Variants in CDK19 observed in about 807,000 individuals in gnomAD.
The protein encoded by CDK19 is cyclin-dependent kinase 19.
Under a neutral mutation model 68.3 loss-of-function variants are expected in CDK19, and 20 were observed. The observed-to-expected ratio is 0.29, with a 90% CI of 0.21 to 0.43. CDK19 has a LOEUF of 0.43. Ranked by LOEUF, CDK19 falls within the 20% of genes least tolerant of loss-of-function variation. The pLI is 1.00. For synonymous variants in CDK19, 221 were observed against 222.8 expected, an observed-to-expected ratio of 0.99 and a Z score of 0.07; for missense variants, 339 against 623.5, an observed-to-expected ratio of 0.54 and a Z score of 4.86.
intron 5 of CDK19, among the ~76,000 whole-genome samples, chr6:110,634,022 A>G (rs1779602685): frequency 6.6e-6 from 1 of 152,244 alleles, no homozygotes; most frequent in Admixed American, 6.5e-5. Context: ...TACATAATAT[A>G]CATAACAAAT....
chr6:110,750,133 G>C (rs185312312), intron 1 of CDK19, among the ~76,000 whole-genome samples: 1 of 145,510 alleles, frequency 6.9e-6, no homozygotes, highest in Admixed American at 6.7e-5. Flanking sequence ...GGAAACCTAA[G>C]ATTTTATCCT....
chr6:110,707,948 G>A (rs1774647330), intron 2 of CDK19, among the ~76,000 whole-genome samples: 1 of 152,108 alleles, frequency 6.6e-6, no homozygotes, highest in Non-Finnish European at 1.5e-5. Context: ...CTCCAGCCTG[G>A]GCGACACGGT....
At position 110,757,861 on chromosome 6, in the gene CDK19, T is replaced by C. The variant is rs190698736; in HGVS notation, c.129-11660A>G. 1.1e-4 allele frequency among the ~76,000 whole-genome samples: 16 copies of C among 152,128 alleles called. No individual in the cohort carries two copies. In the East Asian group the frequency reaches 3.1e-3, roughly 29 times the overall value. Reference sequence around the variant, plus strand: ...TACAGAACTTTTCTTAATAACAAAATTGAAGAGAGAAATAACGAATAAGCA... The same window carrying C: ...TACAGAACTTTTCTTAATAACAAAACTGAAGAGAGAAATAACGAATAAGCA... On this transcript the variant is annotated intron_variant, in intron 1 of 12. Transcript: ENST00000368911.
chr6:110,614,668 TAGG>T lies in CDK19; in HGVS notation c.1378-5_1378-3del. ...GTAATTCAGGCGAGAACTGGAGTGC[TAGG>T]AGAAGGAAACAGGAAAAGGGAATTA... On this transcript the variant is annotated splice_region_variant and splice_polypyrimidine_tract_variant and intron_variant, in intron 12 of 12. Transcript: ENST00000368911. 6.2e-7 allele frequency: 1 copy of T among 1,613,788 alleles called. No individual in the cohort carries two copies. Among genetic ancestry groups the T allele is most frequent in the Middle Eastern group, 1.6e-4 (1 of 6,062 alleles).
intron 1 of CDK19, among the ~76,000 whole-genome samples, chr6:110,802,462 T>C (rs1377185215): frequency 6.6e-6 from 1 of 152,068 alleles, no homozygotes; most frequent in Non-Finnish European, 1.5e-5. Context: ...CACTTATAAG[T>C]GGGAGCTAAA....
chr6:110,680,624 C>T (rs1771929274), intron 2 of CDK19, among the ~76,000 whole-genome samples: 2 of 152,170 alleles, frequency 1.3e-5, no homozygotes, highest in Admixed American at 1.3e-4. Context: ...TGGTAAATAG[C>T]CACATATTGT....
chr6:110,707,451 A>G lies in CDK19; in HGVS notation c.205-36910T>C, dbSNP rs145462334. Among the ~76,000 whole-genome samples, 784 of 152,240 alleles carry G rather than the reference A, an allele frequency of 5.1e-3. 6 individuals are homozygous for G. The highest frequency in any genetic ancestry group is 0.018 in the African/African-American group (762 of 41,528). On this transcript the variant is annotated intron_variant, in intron 2 of 12. Transcript: ENST00000368911. ...TTTGGATACCTGGATACCTGTATCC[A>G]AAGATGTGTTTTACCAGGATACAGA... is the stretch of plus-strand genomic sequence containing the variant.
At chr6:110,666,691 T>C (rs1781965472) in intron 4 of CDK19, among the ~76,000 whole-genome samples, 1 of 152,050 alleles carries the variant, frequency 6.6e-6, no homozygotes, top group Admixed American at 6.6e-5. Flanking sequence ...CTCAAAAGCC[T>C]AAGAAACAAA....
At chr6:110,779,677 A>G (rs1780657892) in intron 1 of CDK19, among the ~76,000 whole-genome samples, 1 of 152,216 alleles carries the variant, frequency 6.6e-6, no homozygotes, top group South Asian at 2.1e-4. Flanking sequence ...GCACTTTGGA[A>G]GGCTGAGGCA....
intron 1 of CDK19, among the ~76,000 whole-genome samples, chr6:110,781,679 C>CA (rs1171988644): frequency 1.3e-5 from 2 of 151,556 alleles, no homozygotes; most frequent in South Asian, 4.2e-4. Flanking sequence ...CCCATCTCTA[C>CA]AAAAAAATAC....
chr6:110,657,732 G>C (rs889755367), intron 4 of CDK19, among the ~76,000 whole-genome samples: 1 of 152,136 alleles, frequency 6.6e-6, no homozygotes, highest in Non-Finnish European at 1.5e-5. Context: ...ACATGTGTTT[G>C]TCAGCACAGG....
intron 1 of CDK19, among the ~76,000 whole-genome samples, chr6:110,749,466 T>A (rs901074120): frequency 9.9e-5 from 15 of 151,990 alleles, no homozygotes; most frequent in African/African-American, 3.4e-4. Flanking sequence ...GCTCAGATGA[T>A]CCTCCCACTT....
intron 2 of CDK19, among the ~76,000 whole-genome samples, chr6:110,715,318 G>A (rs1775286185): frequency 6.6e-6 from 1 of 152,136 alleles, no homozygotes; most frequent in Admixed American, 6.5e-5. Context: ...GACTAATAGG[G>A]TCAAAAATAA....
At chr6:110,814,484 G>C (rs1393728993) in intron 1 of CDK19, 3 of 391,026 alleles carry the variant, frequency 7.7e-6, no homozygotes, top group East Asian at 7.9e-5. Context: ...TGCTGGGGGC[G>C]GCGGTGCCCA....
At chr6:110,809,203 A>C (rs1189106799) in intron 1 of CDK19, among the ~76,000 whole-genome samples, 1 of 146,010 alleles carries the variant, frequency 6.8e-6, no homozygotes, top group Non-Finnish European at 1.5e-5. Context: ...AGACAGCGAG[A>C]CTCCATCTCA....
chr6:110,616,911 T>A (rs1426242411), intron 12 of CDK19, among the ~76,000 whole-genome samples: 6 of 152,074 alleles, frequency 3.9e-5, no homozygotes. Flanking sequence ...GACAAAGGGT[T>A]TTTTAGACAG....
chr6:110,798,199 G>C (rs1051574949), intron 1 of CDK19, among the ~76,000 whole-genome samples: 1 of 152,034 alleles, frequency 6.6e-6, no homozygotes, highest in African/African-American at 2.4e-5. Context: ...CAGAAGGGTA[G>C]ATTAGAAGCT....
chr6:110,716,176 T>C lies in CDK19; in HGVS notation c.204+29950A>G, dbSNP rs181383149. ...TATTTCTTTAATTCCATATCTAACA[T>C]TTAACTTTAAAAAATGTTCTTTTAA... is the stretch of plus-strand genomic sequence containing the variant. On this transcript the variant is annotated intron_variant, in intron 2 of 12. Coordinates refer to ENST00000368911, the MANE Select transcript of CDK19 (RefSeq NM_015076.5). 1.1e-4 allele frequency among the ~76,000 whole-genome samples: 17 copies of C among 152,256 alleles called. No individual in the cohort carries two copies. The East Asian group carries it at 3.3e-3, about 29-fold the overall frequency.
At chr6:110,767,904 G>C (rs951734245) in intron 1 of CDK19, among the ~76,000 whole-genome samples, 1 of 152,050 alleles carries the variant, frequency 6.6e-6, no homozygotes, top group African/African-American at 2.4e-5. Context: ...AAAAATACAA[G>C]CCATTGACTG....
Sources: gnomAD v4.1 joint callset for allele counts (sites outside exome capture counted in the v4.1 genomes callset) on GRCh38, gnomAD v4.1.1 for gene constraint, MANE v1.5 for transcripts, NCBI Gene and HGNC (gene_info 2026-07-23, HGNC 2026-07-21) for gene names.